Variants in TBC1D12 observed in about 807,000 individuals in gnomAD.
TBC1D12 encodes the protein TBC1 domain family member 12.
TBC1D12 carries 56 observed loss-of-function variants against 86.7 expected under a neutral mutation model. The observed-to-expected ratio is 0.65, with a 90% CI of 0.52 to 0.81. TBC1D12 has a LOEUF of 0.81. Among genes scored for constraint, TBC1D12 ranks in the 30% least tolerant of loss-of-function variants. TBC1D12 has a pLI of 0.00. For missense variants in TBC1D12, 1,023 were observed against 1,038.8 expected (o/e 0.98, Z 0.21); for synonymous variants, 421 against 411.7 (o/e 1.02, Z -0.27).
At chr10:94,498,071 G>T (rs1307863335) in intron 5 of TBC1D12, among the ~76,000 whole-genome samples, 1 of 151,922 alleles carries the variant, frequency 6.6e-6, no homozygotes, top group African/African-American at 2.4e-5. Context: ...TGCCTGCCTC[G>T]GCCTCCCCAA....
At chr10:94,495,009 A>G (rs1285033133) in intron 4 of TBC1D12, among the ~76,000 whole-genome samples, 4 of 147,014 alleles carry the variant, frequency 2.7e-5, no homozygotes, top group Non-Finnish European at 3.0e-5. Flanking sequence ...TTGCAGGTGC[A>G]TGCCACCACA....
intron 5 of TBC1D12, among the ~76,000 whole-genome samples, chr10:94,499,736 G>C (rs1430526246): frequency 6.6e-6 from 1 of 152,214 alleles, no homozygotes; most frequent in Non-Finnish European, 1.5e-5. Context: ...CAAGGTCAGA[G>C]AGGTTAAGTG....
In TBC1D12 at chr10:94,452,384, A is replaced by G. The variant is rs2055563879; in HGVS notation, c.1095+10365A>G. ...AAATGTATAATGACGTGTATCTACCATTGTAGTATTACACAGCATAGTTTC... is the reference window on the plus strand; with the variant it reads ...AAATGTATAATGACGTGTATCTACCGTTGTAGTATTACACAGCATAGTTTC... On this transcript the variant is annotated intron_variant, in intron 2 of 12. Coordinates refer to ENST00000225235, the MANE Select transcript of TBC1D12 (RefSeq NM_015188.2). Among the ~76,000 whole-genome samples, 2 of 152,070 alleles carry G rather than the reference A, an allele frequency of 1.3e-5. 1 individual carries two copies. Among genetic ancestry groups the G allele is most frequent in the Non-Finnish European group, 2.9e-5 (2 of 67,978 alleles).
chr10:94,501,102 A>ATAAAT (rs1414903973), intron 6 of TBC1D12, among the ~76,000 whole-genome samples: 2 of 151,238 alleles, frequency 1.3e-5, no homozygotes, highest in South Asian at 4.2e-4. Flanking sequence ...GAATGAATAA[A>ATAAAT]TAAATAAATA....
chr10:94,528,391 G>A (rs1842349186), intron 11 of TBC1D12, among the ~76,000 whole-genome samples: 1 of 152,158 alleles, frequency 6.6e-6, no homozygotes, highest in African/African-American at 2.4e-5. Context: ...AGGCACTAAT[G>A]TCTTTTATCA....
At chr10:94,421,093 CCTAT>C (rs2055067446) in intron 1 of TBC1D12, among the ~76,000 whole-genome samples, 1 of 152,104 alleles carries the variant, frequency 6.6e-6, no homozygotes, top group Non-Finnish European at 1.5e-5. Flanking sequence ...ACTTATTCCT[CCTAT>C]CTAACTGAAA....
At chr10:94,438,869 T>C (rs895473700) in intron 1 of TBC1D12, among the ~76,000 whole-genome samples, 4 of 151,998 alleles carry the variant, frequency 2.6e-5, no homozygotes, top group African/African-American at 9.7e-5. Flanking sequence ...AGTGGTGCGA[T>C]CTCAGCTCAC....
At chr10:94,464,535 G>C (rs2134127373) in intron 2 of TBC1D12, among the ~76,000 whole-genome samples, 1 of 152,122 alleles carries the variant, frequency 6.6e-6, no homozygotes, top group Non-Finnish European at 1.5e-5. Context: ...GTGCAGTCTT[G>C]GCTCACTGCA....
At chr10:94,448,081 T>C (rs1198715047) in intron 2 of TBC1D12, among the ~76,000 whole-genome samples, 2 of 152,068 alleles carry the variant, frequency 1.3e-5, no homozygotes, top group Non-Finnish European at 2.9e-5. Flanking sequence ...CAGTTTCACA[T>C]AAATTTTGAC....
intron 1 of TBC1D12, among the ~76,000 whole-genome samples, chr10:94,409,214 C>G (rs2054897043): frequency 6.6e-6 from 1 of 152,036 alleles, no homozygotes; most frequent in Admixed American, 6.6e-5. Context: ...TGGTTCAGGA[C>G]TTCAACTTAG....
chr10:94,524,153 C>T (rs566594223), intron 11 of TBC1D12, among the ~76,000 whole-genome samples: 1 of 152,256 alleles, frequency 6.6e-6, no homozygotes, highest in African/African-American at 2.4e-5. Context: ...AACGTTCCTT[C>T]CATTTTTTAC....
intron 1 of TBC1D12, among the ~76,000 whole-genome samples, chr10:94,429,781 T>C (rs1274132599): frequency 6.6e-6 from 1 of 152,130 alleles, no homozygotes; most frequent in African/African-American, 2.4e-5. Context: ...TCACTCAGGC[T>C]AGAGTGCAGT....
chr10:94,509,404 A>C (rs1184962260), intron 7 of TBC1D12: 1 of 152,270 alleles, frequency 6.6e-6, no homozygotes, highest in East Asian at 1.9e-4. Flanking sequence ...AAAGTGTTCT[A>C]TTTTGACTAC....
At chr10:94,457,699 C>T (rs1383475435) in intron 2 of TBC1D12, among the ~76,000 whole-genome samples, 7 of 152,112 alleles carry the variant, frequency 4.6e-5, no homozygotes, top group Non-Finnish European at 1.0e-4. Context: ...TAATTTGTTT[C>T]CAGTTTTGTC....
intron 1 of TBC1D12, among the ~76,000 whole-genome samples, chr10:94,423,822 G>T (rs2055112058): frequency 6.6e-6 from 1 of 152,166 alleles, no homozygotes; most frequent in South Asian, 2.1e-4. Context: ...CTGGGCTACT[G>T]TTTCAGAGAA....
intron 3 of TBC1D12, among the ~76,000 whole-genome samples, chr10:94,477,961 C>A (rs774099895): frequency 1.3e-5 from 2 of 152,164 alleles, no homozygotes; most frequent in Non-Finnish European, 2.9e-5. Flanking sequence ...CTGTGCCCAG[C>A]AAATCATTTG....
intron 2 of TBC1D12, among the ~76,000 whole-genome samples, chr10:94,455,939 C>A (rs1317969068): frequency 6.6e-6 from 1 of 151,684 alleles, no homozygotes; most frequent in Non-Finnish European, 1.5e-5. Context: ...GCTTAAGACT[C>A]CATCTCAAAA....
chr10:94,406,540 A>G (rs541754839), intron 1 of TBC1D12, among the ~76,000 whole-genome samples: 1 of 152,358 alleles, frequency 6.6e-6, no homozygotes, highest in African/African-American at 2.4e-5. Flanking sequence ...ACTGGTATGA[A>G]GAACACCATT....
chr10:94,424,655 A>G (rs532965180), intron 1 of TBC1D12, among the ~76,000 whole-genome samples: 2 of 152,214 alleles, frequency 1.3e-5, no homozygotes, highest in Non-Finnish European at 2.9e-5. Context: ...AGCAACAGAA[A>G]GAGACACAAA....
Sources: gnomAD v4.1 joint callset for allele counts (sites outside exome capture counted in the v4.1 genomes callset) on GRCh38, gnomAD v4.1.1 for gene constraint, MANE v1.5 for transcripts, NCBI Gene and HGNC (gene_info 2026-07-23, HGNC 2026-07-21) for gene names.